Variants in DCHS2 observed in about 807,000 individuals in gnomAD.
DCHS2 encodes the protein protocadherin-23.
DCHS2 carries 142 observed loss-of-function variants against 182.4 expected under a neutral mutation model. The observed-to-expected ratio is 0.78, with a 90% CI of 0.68 to 0.89. The LOEUF is 0.89. Ranked by LOEUF, DCHS2 falls within the 40% of genes least tolerant of loss-of-function variation. The pLI, the probability that DCHS2 is intolerant of heterozygous loss-of-function variation, is 0.00. For synonymous variants in DCHS2, 1,740 were observed against 1,663.3 expected (o/e 1.05, Z -1.12); for missense variants, 4,319 against 4,198.6 (o/e 1.03, Z -0.79).
intron 1 of DCHS2, among the ~76,000 whole-genome samples, chr4:154,462,570 C>T (rs1467254055): frequency 6.6e-6 from 1 of 152,134 alleles, no homozygotes; most frequent in Non-Finnish European, 1.5e-5. Flanking sequence ...ATTTCCCATA[C>T]AAGGTCTTAC....
chr4:154,442,898 A>G (rs1734097231), intron 1 of DCHS2, among the ~76,000 whole-genome samples: 1 of 151,912 alleles, frequency 6.6e-6, no homozygotes, highest in African/African-American at 2.4e-5. Context: ...TGCCCTCCTC[A>G]TGCAAAAAAC....
intron 1 of DCHS2, among the ~76,000 whole-genome samples, chr4:154,484,239 G>A (rs553391765): frequency 6.6e-6 from 1 of 152,124 alleles, no homozygotes; most frequent in East Asian, 1.9e-4. Context: ...CCTAATTCAG[G>A]CCCATGTAGC....
At chr4:154,260,912 G>A (rs1415176780) in intron 14 of DCHS2, among the ~76,000 whole-genome samples, 2 of 152,116 alleles carry the variant, frequency 1.3e-5, no homozygotes, top group Non-Finnish European at 2.9e-5. Flanking sequence ...TGAGGGTGAT[G>A]CCATACTCTA....
chr4:154,236,702 G>A lies in DCHS2; in HGVS notation c.7950C>T (p.Val2650=), dbSNP rs1284661296. The A allele has an allele frequency of 5.6e-6, 9 of 1,613,842 alleles. No homozygotes were observed. The African/African-American group carries it at 1.1e-4, about 19-fold the overall frequency. The change falls in exon 20 of 20, where the codon GTC becomes GTT. Residue 2650 remains valine (V), a synonymous_variant. Transcript: ENST00000357232. ...TGACATCAAGTACTTGTATTGATAT[G>A]ACAGCTGTGGAACTCAATGGAGGGC... ...SGCPPLSSTA[V]ISIQVLDVND...
At chr4:154,405,992 G>T (rs1352660783) in intron 1 of DCHS2, among the ~76,000 whole-genome samples, 2 of 152,216 alleles carry the variant, frequency 1.3e-5, no homozygotes, top group Non-Finnish European at 2.9e-5. Flanking sequence ...TATTGCTAAG[G>T]TGTGGGTTTT....
intron 16 of DCHS2, among the ~76,000 whole-genome samples, chr4:154,243,444 T>C (rs1731932150): frequency 6.6e-6 from 1 of 152,166 alleles, no homozygotes; most frequent in South Asian, 2.1e-4. Flanking sequence ...GTTACTGTCT[T>C]CAACTTCTCC....
intron 10 of DCHS2, among the ~76,000 whole-genome samples, chr4:154,310,976 A>G (rs1271816264): frequency 6.6e-6 from 1 of 152,180 alleles, no homozygotes. Context: ...CTGTCTTGCT[A>G]TAGTGTCAGA....
chr4:154,392,712 A>G (rs1052082003), intron 1 of DCHS2, among the ~76,000 whole-genome samples: 27 of 152,218 alleles, frequency 1.8e-4, no homozygotes, highest in African/African-American at 6.5e-4. Flanking sequence ...ACCAGCTCCC[A>G]ATATAATCAC....
chr4:154,280,123 C>A (rs1285283176), intron 13 of DCHS2, among the ~76,000 whole-genome samples: 5 of 151,686 alleles, frequency 3.3e-5, no homozygotes, highest in Non-Finnish European at 7.4e-5. Flanking sequence ...ATTAGATAAC[C>A]TAGATGAAAT....
At chr4:154,378,882 T>G (rs1561078430) in intron 1 of DCHS2, among the ~76,000 whole-genome samples, 2 of 152,170 alleles carry the variant, frequency 1.3e-5, no homozygotes, top group African/African-American at 4.8e-5. Context: ...ATGCAGAATG[T>G]GCTAGATTAT....
At chr4:154,260,121 C>G (rs1012882911) in intron 14 of DCHS2, among the ~76,000 whole-genome samples, 11 of 152,164 alleles carry the variant, frequency 7.2e-5, no homozygotes, top group Non-Finnish European at 1.0e-4. Context: ...AGCACCTGGC[C>G]ATAGTTATTC....
chr4:154,398,849 T>C (rs908437294), intron 1 of DCHS2, among the ~76,000 whole-genome samples: 18 of 152,320 alleles, frequency 1.2e-4, no homozygotes, highest in African/African-American at 3.8e-4. Flanking sequence ...TAAGTTATTC[T>C]ACTAAATAGA....
intron 2 of DCHS2, among the ~76,000 whole-genome samples, chr4:154,367,625 A>G (rs564068314): frequency 1.3e-5 from 2 of 152,290 alleles, no homozygotes; most frequent in East Asian, 3.9e-4. Flanking sequence ...TTCTGTTTCT[A>G]TCTGGTACAT....
chr4:154,322,781 G>C (rs1736115864), intron 7 of DCHS2: 1 of 292,060 alleles, frequency 3.4e-6, no homozygotes, highest in African/African-American at 2.2e-5. Flanking sequence ...TATTCCCCAT[G>C]TATATACTTC....
At chr4:154,483,634 A>G (rs1456383231) in intron 1 of DCHS2, among the ~76,000 whole-genome samples, 1 of 152,184 alleles carries the variant, frequency 6.6e-6, no homozygotes, top group Non-Finnish European at 1.5e-5. Flanking sequence ...AGATTCAAAT[A>G]ACGAGTGCCT....
intron 1 of DCHS2, among the ~76,000 whole-genome samples, chr4:154,397,365 A>T (rs1182863534): frequency 6.6e-6 from 1 of 152,198 alleles, no homozygotes; most frequent in Non-Finnish European, 1.5e-5. Context: ...AGTTTGAAGT[A>T]AGTTTAGTCT....
chr4:154,349,498 A>G (rs1047738012), intron 3 of DCHS2, among the ~76,000 whole-genome samples: 16 of 152,224 alleles, frequency 1.1e-4, no homozygotes, highest in Admixed American at 9.8e-4. Flanking sequence ...AACACTCATT[A>G]TGATTTACAG....
Position 154,491,305 on chromosome 4 carries a change from A to G in DCHS2, c.51T>C (p.Ala17=). Residue 17 remains alanine, a synonymous_variant, in exon 1 of 20, where the codon GCT becomes GCC. Transcript: ENST00000357232. ...GGAGCAGAAGGAGCTTCCCGACCGGAGCCCGCCGCTGCTGACGCCCTTCGC... is the reference window on the plus strand; with the variant it reads ...GGAGCAGAAGGAGCTTCCCGACCGGGGCCCGCCGCTGCTGACGCCCTTCGC... ...KMGEGRQQRR[A]PVGKLLLLPG... is the part of the protein sequence containing the mutation. The G allele has an allele frequency of 1.3e-6, 2 of 1,547,688 alleles. No individual in the cohort carries two copies. Among genetic ancestry groups the G allele is most frequent in the South Asian group, 1.2e-5 (1 of 83,868 alleles).
intron 1 of DCHS2, among the ~76,000 whole-genome samples, chr4:154,442,167 AC>A (rs1734046530): frequency 6.6e-6 from 1 of 152,024 alleles, no homozygotes; most frequent in Non-Finnish European, 1.5e-5. Flanking sequence ...CAGTCAGACC[AC>A]CACTTATCCT....
Sources: gnomAD v4.1 joint callset for allele counts (sites outside exome capture counted in the v4.1 genomes callset) on GRCh38, gnomAD v4.1.1 for gene constraint, MANE v1.5 for transcripts, NCBI Gene and HGNC (gene_info 2026-07-23, HGNC 2026-07-21) for gene names.